The following POLQ variants were observed in gnomAD, a reference collection of about 807,000 sequenced individuals.
POLQ encodes the protein DNA polymerase theta.
In POLQ, 233 loss-of-function variants were observed where a neutral mutation model predicts 259.2. The ratio of observed to expected loss-of-function variants is 0.90; its 90% CI spans 0.81 to 1.00. The LOEUF (loss-of-function observed/expected upper bound fraction) is 1.00. Ranked by LOEUF, POLQ falls within the 50% of genes least tolerant of loss-of-function variation. POLQ has a pLI of 0.00. For missense variants in POLQ, 2,871 were observed against 3,051.6 expected (o/e 0.94, Z 1.39); for synonymous variants, 1,025 against 1,048.8 (o/e 0.98, Z 0.44).
chr3:121,498,736 C>A, intron 12 of POLQ, 66 bp from the exon 13 acceptor site: 1 of 1,111,072 alleles, frequency 9.0e-7, no homozygotes. Context: ...TATATACAAC[C>A]TTCATATTAA....
intron 20 of POLQ, among the ~76,000 whole-genome samples, chr3:121,476,024 C>T (rs958540948): frequency 2.0e-5 from 3 of 151,650 alleles, no homozygotes; most frequent in Non-Finnish European, 4.4e-5. Flanking sequence ...AATATGTTAA[C>T]GAAGGAACAG....
chr3:121,468,989 A>T (rs535837111), intron 22 of POLQ, among the ~76,000 whole-genome samples: 2 of 152,202 alleles, frequency 1.3e-5, no homozygotes, highest in South Asian at 4.1e-4. Context: ...AAATGCTTAT[A>T]AGCCTGGCCA....
chr3:121,470,196 T>C (rs1370371943), intron 22 of POLQ, among the ~76,000 whole-genome samples: 1 of 151,924 alleles, frequency 6.6e-6, no homozygotes, highest in African/African-American at 2.4e-5. Flanking sequence ...GAGGCGGAGG[T>C]TGCAGTGAGC....
chr3:121,497,597 C>T lies in POLQ; in HGVS notation c.2154-665G>A, dbSNP rs183142797. On this transcript the variant is annotated intron_variant, in intron 13 of 29. Coordinates refer to ENST00000264233, the MANE Select transcript of POLQ (RefSeq NM_199420.4). Reference sequence around the variant, plus strand: ...GATTACAGGTGCACACCACCACAAACGGCTAATTTTTGTATTTTTACTAGA... The same window carrying T: ...GATTACAGGTGCACACCACCACAAATGGCTAATTTTTGTATTTTTACTAGA... 3.6e-3 allele frequency among the ~76,000 whole-genome samples: 554 copies of T among 152,138 alleles called. 2 individuals carry two copies. The highest frequency in any genetic ancestry group is 0.013 in the African/African-American group (527 of 41,528).
intron 17 of POLQ, among the ~76,000 whole-genome samples, chr3:121,484,143 A>G (rs1215159563): frequency 6.6e-6 from 1 of 152,140 alleles, no homozygotes; most frequent in African/African-American, 2.4e-5. Context: ...AAAACAACTG[A>G]AAATATTTCA....
At chr3:121,486,575 T>G (rs779265243) in intron 16 of POLQ, among the ~76,000 whole-genome samples, 6 of 150,836 alleles carry the variant, frequency 4.0e-5, no homozygotes, top group Non-Finnish European at 7.4e-5. Flanking sequence ...ATAATAATAA[T>G]TCATGGGGCT....
rs756660855 is a variant in POLQ at position 121,490,231 on chromosome 3, T to C, written c.2700A>G (p.Pro900=). The C allele has an allele frequency of 2.5e-6, 4 of 1,614,072 alleles. No homozygotes were observed. The highest frequency in any genetic ancestry group is 2.7e-5 in the African/African-American group (2 of 74,952). The stretch of plus-strand genomic sequence containing the variant: ...ATGTACTAGAATGTAACAGGGCACA[T>C]GGATTCCATTGCACTCCCATTTCAA... ...DLVEMGVQWN[P]CALLHSSTCS... The change falls in exon 16 of 30, where the codon CCA becomes CCG. Residue 900 remains proline (P), a synonymous_variant. Coordinates refer to ENST00000264233, the MANE Select transcript of POLQ (RefSeq NM_199420.4).
At chr3:121,529,217 C>T (rs1477491544) in intron 7 of POLQ, among the ~76,000 whole-genome samples, 1 of 151,866 alleles carries the variant, frequency 6.6e-6, no homozygotes, top group Non-Finnish European at 1.5e-5. Context: ...ATTCAAGGGT[C>T]AACTTATACA....
At chr3:121,474,924 T>C (rs565047081) in intron 20 of POLQ, among the ~76,000 whole-genome samples, 1 of 152,206 alleles carries the variant, frequency 6.6e-6, no homozygotes, top group Non-Finnish European at 1.5e-5. Context: ...GGGTACAAGA[T>C]GATGTTTTGA....
At chr3:121,446,118 A>G (rs1453835359) in intron 26 of POLQ, among the ~76,000 whole-genome samples, 1 of 151,654 alleles carries the variant, frequency 6.6e-6, no homozygotes, top group Admixed American at 6.6e-5. Flanking sequence ...GCTGTATCCC[A>G]TAGGTGTTGG....
At chr3:121,508,375 C>A (rs1480303647) in intron 12 of POLQ, among the ~76,000 whole-genome samples, 1 of 152,034 alleles carries the variant, frequency 6.6e-6, no homozygotes, top group Non-Finnish European at 1.5e-5. Flanking sequence ...ATTCAGATAC[C>A]AAACATTCAT....
chr3:121,545,436 C>T (rs2048525202), intron 1 of POLQ, among the ~76,000 whole-genome samples: 1 of 152,124 alleles, frequency 6.6e-6, no homozygotes, highest in Non-Finnish European at 1.5e-5. Context: ...AGGAACGAGC[C>T]GCCCAACAGA....
chr3:121,468,198 C>A, intron 23 of POLQ, 107 bp downstream of exon 23: 1 of 979,708 alleles, frequency 1.0e-6, no homozygotes, highest in Non-Finnish European at 1.5e-6. Context: ...ATGGGTATGT[C>A]TGAAACATAA....
At position 121,436,252 on chromosome 3, in the gene POLQ, T is replaced by C. The variant is rs746877303; in HGVS notation, c.7413A>G (p.Thr2471=). 6.2e-7 allele frequency: 1 copy of C among 1,613,776 alleles called. No individual in the cohort carries two copies. The highest frequency in any genetic ancestry group is 8.5e-7 in the Non-Finnish European group (1 of 1,179,828). The change falls in exon 28 of 30, where the codon ACA becomes ACG. Residue 2471 remains threonine (T), a synonymous_variant. Transcript: ENST00000264233. ...KAHAERQAIN[T]IVQGSAADIV... is the part of the protein sequence containing the mutation. ...TATCAGCTGCTGATCCTTGGACTAT[T>C]GTGTTGATAGCTTGACGCTCAGCCT...
intron 24 of POLQ, among the ~76,000 whole-genome samples, chr3:121,465,380 C>T (rs955408182): frequency 6.6e-6 from 1 of 152,156 alleles, no homozygotes; most frequent in Non-Finnish European, 1.5e-5. Context: ...GTGTGAGCCA[C>T]CATGCCTTGT....
At chr3:121,495,059 G>T (rs369344805) in intron 14 of POLQ, among the ~76,000 whole-genome samples, 4 of 151,844 alleles carry the variant, frequency 2.6e-5, no homozygotes, top group African/African-American at 9.7e-5. Flanking sequence ...ATCATCTGAG[G>T]TCAGGACTTT....
At chr3:121,533,901 C>T (rs2048429888) in intron 5 of POLQ, among the ~76,000 whole-genome samples, 1 of 135,876 alleles carries the variant, frequency 7.4e-6, no homozygotes, top group African/African-American at 2.7e-5. Flanking sequence ...CATGTGGATA[C>T]CCTTTTTTTT....
At chr3:121,450,042 G>A (rs1193972857) in intron 25 of POLQ, among the ~76,000 whole-genome samples, 5 of 152,122 alleles carry the variant, frequency 3.3e-5, no homozygotes, top group Admixed American at 1.3e-4. Context: ...TCACAAGGAC[G>A]GCCGGGGTTC....
chr3:121,469,753 GAATA>G (rs1457425830), intron 22 of POLQ, among the ~76,000 whole-genome samples: 1 of 152,142 alleles, frequency 6.6e-6, no homozygotes, highest in African/African-American at 2.4e-5. Flanking sequence ...TACAAAGAAT[GAATA>G]TATAGCTTAA....
Sources: allele counts gnomAD v4.1 joint callset (sites outside exome capture counted in the v4.1 genomes callset), GRCh38; gene constraint gnomAD v4.1.1; transcripts MANE v1.5; gene names NCBI Gene and HGNC (gene_info 2026-07-23, HGNC 2026-07-21).